Variants in GRB10 observed in about 807,000 individuals in gnomAD.
The protein encoded by GRB10 is growth factor receptor bound protein 10, also known as growth factor receptor-bound protein 10.
Under a neutral mutation model 80.9 loss-of-function variants are expected in GRB10, and 20 were observed. The observed-to-expected ratio is 0.25, with a 90% confidence interval of 0.17 to 0.36. The LOEUF (loss-of-function observed/expected upper bound fraction) is 0.36, where lower values mean the gene tolerates loss of function less well. Among genes scored for constraint, GRB10 ranks in the 10% least tolerant of loss-of-function variants. The pLI, the probability that GRB10 is intolerant of heterozygous loss-of-function variation, is 1.00. For missense variants in GRB10, 548 were observed against 747.7 expected (o/e 0.73, Z 3.12); for synonymous variants, 291 against 291.5 (o/e 1.00, Z 0.02).
intron 7 of GRB10, among the ~76,000 whole-genome samples, chr7:50,644,040 A>T (rs2056754569): frequency 6.6e-6 from 1 of 152,156 alleles, no homozygotes; most frequent in Admixed American, 6.5e-5. Flanking sequence ...ACCCCAGAAC[A>T]TGAGGTTACA....
At chr7:50,608,331 G>A (rs974609089) in intron 13 of GRB10, among the ~76,000 whole-genome samples, 19 of 152,186 alleles carry the variant, frequency 1.2e-4, no homozygotes, top group African/African-American at 4.3e-4. Context: ...ATGCAGAAGA[G>A]AATAACCGCT....
At position 50,614,761 on chromosome 7, in the gene GRB10, C is replaced by T. The variant is rs377515816; in HGVS notation, c.1095+9G>A. The T allele has an allele frequency of 1.2e-4, 188 of 1,586,878 alleles. 1 individual carries two copies. In the African/African-American group the frequency reaches 2.1e-3, roughly 18 times the overall value. On this transcript the variant is annotated intron_variant, in intron 12 of 18. Transcript: ENST00000401949. ...GCATGCGCGCCGTCTGTGGACAGCTCGTGGGTACCTTTATGCAGAGCCCGT... is the reference window on the plus strand; with the variant it reads ...GCATGCGCGCCGTCTGTGGACAGCTTGTGGGTACCTTTATGCAGAGCCCGT...
chr7:50,769,932 C>T (rs1428893836), intron 2 of GRB10, among the ~76,000 whole-genome samples: 8 of 152,232 alleles, frequency 5.3e-5, no homozygotes, highest in Non-Finnish European at 1.0e-4. Context: ...TCAGTCTTCC[C>T]CCCAGTAAAG....
At chr7:50,610,932 AC>A (rs2049396213) in intron 13 of GRB10, among the ~76,000 whole-genome samples, 1 of 152,020 alleles carries the variant, frequency 6.6e-6, no homozygotes, top group Non-Finnish European at 1.5e-5. Flanking sequence ...ATTATATATT[AC>A]CCAAAGTAAT....
Position 50,618,149 on chromosome 7 carries a change from T to C in GRB10, c.778-10A>G. 1 of 1,610,392 alleles carries C rather than the reference T, an allele frequency of 6.2e-7. No individual in the cohort carries two copies. The highest frequency in any genetic ancestry group is 8.5e-7 in the Non-Finnish European group (1 of 1,176,848). On this transcript the variant is annotated splice_polypyrimidine_tract_variant and intron_variant, in intron 9 of 18. Transcript: ENST00000401949. ...GTTCTGGGAAGAAATTCTAAGAAAATGGGAAAAAACAAATACGTAAAAGGT... is the reference window on the plus strand; with the variant it reads ...GTTCTGGGAAGAAATTCTAAGAAAACGGGAAAAAACAAATACGTAAAAGGT...
intron 7 of GRB10, among the ~76,000 whole-genome samples, chr7:50,637,846 AAAC>A (rs1303767188): frequency 6.6e-6 from 1 of 151,710 alleles, no homozygotes; most frequent in Non-Finnish European, 1.5e-5. Context: ...CTGGTAAAAA[AAAC>A]AGACATACAA....
At chr7:50,659,351 C>T (rs2058985312) in intron 7 of GRB10, among the ~76,000 whole-genome samples, 2 of 152,158 alleles carry the variant, frequency 1.3e-5, no homozygotes, top group Admixed American at 1.3e-4. Context: ...ACCTCAGCAA[C>T]GCCAGAGGAA....
intron 4 of GRB10, among the ~76,000 whole-genome samples, chr7:50,718,762 A>G (rs894011901): frequency 3.3e-5 from 5 of 152,178 alleles, no homozygotes; most frequent in African/African-American, 7.2e-5. Flanking sequence ...CGAAACCCTG[A>G]GAGCAGAGGT....
At chr7:50,716,225 T>G (rs1734820717) in intron 4 of GRB10, among the ~76,000 whole-genome samples, 1 of 152,142 alleles carries the variant, frequency 6.6e-6, no homozygotes, top group African/African-American at 2.4e-5. Flanking sequence ...AAGACAGCCC[T>G]CAGAAGGGTC....
At chr7:50,715,804 C>A (rs917601761) in intron 4 of GRB10, among the ~76,000 whole-genome samples, 1 of 152,158 alleles carries the variant, frequency 6.6e-6, no homozygotes, top group Admixed American at 6.5e-5. Context: ...TTAGATGTAC[C>A]CTCTCCCCCT....
chr7:50,602,604 G>A (rs1414195118), intron 17 of GRB10, among the ~76,000 whole-genome samples: 1 of 152,196 alleles, frequency 6.6e-6, no homozygotes, highest in Non-Finnish European at 1.5e-5. Context: ...ACAGAGTGAT[G>A]AGAAAGACTA....
chr7:50,611,974 T>C (rs931502602), intron 13 of GRB10, among the ~76,000 whole-genome samples: 2 of 152,296 alleles, frequency 1.3e-5, no homozygotes, highest in Admixed American at 1.3e-4. Flanking sequence ...ACATGTGGGA[T>C]ATGGTATATG....
intron 4 of GRB10, among the ~76,000 whole-genome samples, chr7:50,704,645 C>T (rs756506471): frequency 1.3e-5 from 2 of 152,168 alleles, no homozygotes; most frequent in African/African-American, 2.4e-5. Flanking sequence ...ATAAGATGTG[C>T]CCCAGAACTA....
chr7:50,767,235 A>G (rs2076442484), intron 2 of GRB10, among the ~76,000 whole-genome samples: 2 of 152,140 alleles, frequency 1.3e-5, no homozygotes, highest in South Asian at 2.1e-4. Flanking sequence ...GAATGCCCGC[A>G]CAGATGCCCA....
chr7:50,717,943 C>G (rs2067134614), intron 4 of GRB10, among the ~76,000 whole-genome samples: 1 of 152,240 alleles, frequency 6.6e-6, no homozygotes, highest in Admixed American at 6.5e-5. Context: ...GACTGCTCAA[C>G]ATGCAGCAGG....
At chr7:50,749,131 T>G (rs1280269800) in intron 3 of GRB10, among the ~76,000 whole-genome samples, 1 of 21,066 alleles carries the variant, frequency 4.7e-5, no homozygotes, top group Admixed American at 1.2e-3. Context: ...TGTTTTTTTG[T>G]TTGTTTTTTT....
At position 50,590,144 on chromosome 7, in the gene GRB10, GA is replaced by G. The variant is rs2045692689; in HGVS notation, c.*2807del. The stretch of plus-strand genomic sequence containing the variant: ...GTCCCTTATTTGTACAAAAATACCT[GA>G]AAGTTTACAATTAGGTTCACGAGCC... On this transcript the variant is annotated 3_prime_UTR_variant, in exon 19 of 19. Transcript: ENST00000401949. The G allele has an allele frequency of 6.6e-6, 1 of 152,198 alleles. No homozygotes were observed. The highest frequency in any genetic ancestry group is 1.5e-5 in the Non-Finnish European group (1 of 68,042). 9.4% of individuals were successfully genotyped at this position (152,198 alleles called of 1,614,324 possible). A position where few individuals can be genotyped will look rare whatever the true frequency, so the allele number is the denominator to read the frequency against.
rs565513457 is a variant in GRB10, at chr7:50,701,964, A to G, written c.139+1857T>C. Reference sequence around the variant, plus strand: ...TGGTAATCTCTTGGTTTTGTTAGCTATACCATATTTCTTAGTATGGGACTG... The same window carrying G: ...TGGTAATCTCTTGGTTTTGTTAGCTGTACCATATTTCTTAGTATGGGACTG... On this transcript the variant is annotated intron_variant, in intron 5 of 18. Coordinates refer to ENST00000401949, the MANE Select transcript of GRB10 (RefSeq NM_001350814.2). Among the ~76,000 whole-genome samples the G allele has an allele frequency of 2.1e-3, 313 of 152,274 alleles. 1 individual carries two copies. The highest frequency in any genetic ancestry group is 7.2e-3 in the African/African-American group (299 of 41,572).
chr7:50,744,424 C>T (rs772251863), intron 3 of GRB10, among the ~76,000 whole-genome samples: 4 of 152,084 alleles, frequency 2.6e-5, no homozygotes, highest in Non-Finnish European at 5.9e-5. Flanking sequence ...AGTTGGAGCA[C>T]GAACATCCCA....
Sources: allele counts gnomAD v4.1 joint callset (sites outside exome capture counted in the v4.1 genomes callset), GRCh38; gene constraint gnomAD v4.1.1; transcripts MANE v1.5; gene names NCBI Gene and HGNC (gene_info 2026-07-23, HGNC 2026-07-21).